The following COL23A1 variants were observed in gnomAD, a reference collection of about 807,000 sequenced individuals.
The protein encoded by COL23A1 is collagen type XXIII alpha 1 chain.
A neutral mutation model predicts 99.3 loss-of-function variants in COL23A1; 97 were observed. The ratio of observed to expected loss-of-function variants is 0.98; its 90% CI spans 0.83 to 1.16. The LOEUF (loss-of-function observed/expected upper bound fraction) is 1.16, where lower values mean the gene tolerates loss of function less well. Ranked by LOEUF, COL23A1 falls within the 50% of genes most tolerant of loss-of-function variation. The pLI, the probability that COL23A1 is intolerant of heterozygous loss-of-function variation, is 0.00. For missense variants in COL23A1, 762 were observed against 757.4 expected (o/e 1.01, Z -0.07); for synonymous variants, 320 against 308.2 (o/e 1.04, Z -0.40).
intron 2 of COL23A1, chr5:178,344,807 G>T: frequency 1.7e-6 from 1 of 603,764 alleles, no homozygotes; most frequent in Admixed American, 2.2e-5. Flanking sequence ...TCTTTGTTAA[G>T]ATCACTGTAG....
chr5:178,446,018 T>C (rs1767140229), intron 2 of COL23A1, among the ~76,000 whole-genome samples: 1 of 152,054 alleles, frequency 6.6e-6, no homozygotes, highest in Non-Finnish European at 1.5e-5. Context: ...TCTAGTAGCA[T>C]ATAAAAAGTC....
Position 178,548,392 on chromosome 5 carries a change from C to G in COL23A1, c.361+12290G>C, listed in dbSNP as rs192894168. On this transcript the variant is annotated intron_variant, in intron 2 of 28. Coordinates refer to ENST00000390654, the MANE Select transcript of COL23A1 (RefSeq NM_173465.4). ...GTCCCCATCCTGGTCCTGCTCTCAT[C>G]CTGGCAAGTGGCACCAGTGAGTTCC... 1.4e-4 allele frequency among the ~76,000 whole-genome samples: 22 copies of G among 152,164 alleles called. No homozygotes were observed. In the East Asian group the frequency reaches 3.9e-3, roughly 27 times the overall value.
chr5:178,263,620 T>C (rs892272155), intron 8 of COL23A1, among the ~76,000 whole-genome samples: 1 of 152,216 alleles, frequency 6.6e-6, no homozygotes, highest in Non-Finnish European at 1.5e-5. Flanking sequence ...ACACGCTGCA[T>C]GTGGGAGACA....
At chr5:178,275,169 C>T (rs1437402209) in intron 5 of COL23A1, among the ~76,000 whole-genome samples, 2 of 152,236 alleles carry the variant, frequency 1.3e-5, no homozygotes, top group Non-Finnish European at 2.9e-5. Flanking sequence ...AAATGCAGGT[C>T]ATGCCATTCT....
chr5:178,352,947 G>A (rs531915211), intron 2 of COL23A1, among the ~76,000 whole-genome samples: 8 of 152,330 alleles, frequency 5.3e-5, no homozygotes, highest in African/African-American at 1.7e-4. Flanking sequence ...ACATACCATT[G>A]AAAGGGGAAA....
Position 178,374,736 on chromosome 5 carries a change from C to T in COL23A1, c.362-67817G>A, listed in dbSNP as rs1581255649. Among the ~76,000 whole-genome samples the T allele has an allele frequency of 2.0e-5, 3 of 152,242 alleles. No homozygotes were observed. In the East Asian group the frequency reaches 5.8e-4, roughly 29 times the overall value. ...CAGATAATAACAGGTGTTGGTGCAA[C>T]GTGGCACGACTGGAACCCTCATACA... is the stretch of plus-strand genomic sequence containing the variant. On this transcript the variant is annotated intron_variant, in intron 2 of 28. Coordinates refer to ENST00000390654, the MANE Select transcript of COL23A1 (RefSeq NM_173465.4).
At chr5:178,582,418 G>C (rs759331432) in intron 1 of COL23A1, among the ~76,000 whole-genome samples, 2 of 152,052 alleles carry the variant, frequency 1.3e-5, no homozygotes, top group Non-Finnish European at 1.5e-5. Flanking sequence ...CCCAACACCC[G>C]CCACTGCCCC....
chr5:178,338,431 A>G (rs557783365), intron 2 of COL23A1, among the ~76,000 whole-genome samples: 8 of 152,324 alleles, frequency 5.3e-5, no homozygotes, highest in African/African-American at 1.7e-4. Context: ...GCCTTCCCGC[A>G]AAGAGCATGG....
intron 5 of COL23A1, among the ~76,000 whole-genome samples, chr5:178,277,380 AC>A (rs1438407933): frequency 6.6e-6 from 1 of 152,244 alleles, no homozygotes; most frequent in Non-Finnish European, 1.5e-5. Context: ...AAACAAAAAA[AC>A]AAAGAACCCC....
intron 1 of COL23A1, among the ~76,000 whole-genome samples, chr5:178,576,852 C>G (rs1055484057): frequency 6.6e-6 from 1 of 151,812 alleles, no homozygotes; most frequent in Non-Finnish European, 1.5e-5. Flanking sequence ...CCGCCCCTCC[C>G]CCTGCGCGCA....
chr5:178,266,070 T>C (rs1486068260), intron 8 of COL23A1, among the ~76,000 whole-genome samples: 1 of 152,094 alleles, frequency 6.6e-6, no homozygotes, highest in Non-Finnish European at 1.5e-5. Flanking sequence ...GGAGACAGTC[T>C]CGCTCTGTCA....
At chr5:178,327,715 G>A (rs1759771064) in intron 2 of COL23A1, among the ~76,000 whole-genome samples, 1 of 152,006 alleles carries the variant, frequency 6.6e-6, no homozygotes, top group African/African-American at 2.4e-5. Context: ...TCTGTCCAGG[G>A]GTGCAGACAG....
At chr5:178,332,789 T>A (rs1760103307) in intron 2 of COL23A1, among the ~76,000 whole-genome samples, 1 of 151,792 alleles carries the variant, frequency 6.6e-6, no homozygotes, top group Admixed American at 6.6e-5. Flanking sequence ...ACACCAGGAG[T>A]AGGGGACTGT....
chr5:178,504,488 G>A (rs1758754996), intron 2 of COL23A1, among the ~76,000 whole-genome samples: 1 of 152,154 alleles, frequency 6.6e-6, no homozygotes, highest in South Asian at 2.1e-4. Context: ...TCCCTGCACA[G>A]GAAAGGGCTG....
intron 2 of COL23A1, among the ~76,000 whole-genome samples, chr5:178,550,084 A>C (rs1761922813): frequency 6.6e-5 from 10 of 152,226 alleles, no homozygotes; most frequent in Admixed American, 4.6e-4. Flanking sequence ...CATAATGTGC[A>C]AATATATCAT....
Position 178,323,669 on chromosome 5 carries a change from C to G in COL23A1, c.362-16750G>C, listed in dbSNP as rs144574888. On this transcript the variant is annotated intron_variant, in intron 2 of 28. Coordinates refer to ENST00000390654, the MANE Select transcript of COL23A1 (RefSeq NM_173465.4). ...GGCTTCTGCACTAGAGAGATGCCAC[C>G]GTCACCTTGGCTGCTTCTAGAGCTC... Among the ~76,000 whole-genome samples, 1,124 of 152,216 alleles carry G rather than the reference C, an allele frequency of 7.4e-3. 11 individuals are homozygous for G. Among genetic ancestry groups the G allele is most frequent in the African/African-American group, 0.026 (1,080 of 41,542 alleles).
At chr5:178,315,284 C>T (rs541733229) in intron 2 of COL23A1, among the ~76,000 whole-genome samples, 37 of 152,248 alleles carry the variant, frequency 2.4e-4, no homozygotes, top group Admixed American at 2.2e-3. Flanking sequence ...CCAAGGGCTC[C>T]GGTTGGAGGG....
At chr5:178,265,894 C>T (rs4976754) in intron 8 of COL23A1, 21 of 161,698 alleles carry the variant, frequency 1.3e-4, no homozygotes, top group African/African-American at 3.4e-4. Context: ...ACCAGCTGAG[C>T]GCCCACCAGC....
intron 2 of COL23A1, among the ~76,000 whole-genome samples, chr5:178,429,760 C>T (rs1285977570): frequency 6.6e-6 from 1 of 152,178 alleles, no homozygotes; most frequent in African/African-American, 2.4e-5. Context: ...CCTCCCTGCA[C>T]CACCCTCTAT....
Sources: allele counts gnomAD v4.1 joint callset (sites outside exome capture counted in the v4.1 genomes callset), GRCh38; gene constraint gnomAD v4.1.1; transcripts MANE v1.5; gene names NCBI Gene and HGNC (gene_info 2026-07-23, HGNC 2026-07-21).